Variants in REV3L observed in about 807,000 individuals in gnomAD.
REV3L encodes REV3 like, DNA directed polymerase zeta catalytic subunit.
Under a neutral mutation model 299.4 loss-of-function variants are expected in REV3L, and 69 were observed. The ratio of observed to expected loss-of-function variants is 0.23; its 90% CI spans 0.19 to 0.28. REV3L has a LOEUF of 0.28. Among genes scored for constraint, REV3L ranks in the 10% least tolerant of loss-of-function variants. REV3L has a pLI of 1.00. For synonymous variants in REV3L, 1,238 were observed against 1,271.4 expected, an observed-to-expected ratio of 0.97 and a Z score of 0.56; for missense variants, 3,128 against 3,693.8, an observed-to-expected ratio of 0.85 and a Z score of 3.97.
chr6:111,375,564 C>T lies in REV3L; in HGVS notation c.2791G>A (p.Asp931Asn). Residue 931 changes from aspartate (D) to asparagine (N), a missense_variant, in exon 13 of 32, where the codon GAC becomes AAC. Physicochemically the swap from Asp to Asn is conservative, Grantham distance 23. Transcript: ENST00000368802. ...TGAGTTACAAAACTTGACTCACTGT[C>T]TTCAGTCTCATAATTTACCTTGCGT... is the stretch of plus-strand genomic sequence containing the variant. ...AKRKVNYETE[D>N]SESSFVTHNS... The T allele has an allele frequency of 1.2e-6, 2 of 1,613,630 alleles. No individual in the cohort carries two copies. Among genetic ancestry groups the T allele is most frequent in the African/African-American group, 2.7e-5 (2 of 74,990 alleles).
At chr6:111,390,299 TCA>T in intron 5 of REV3L, 119 bp from the exon 6 acceptor site, 1 of 629,440 alleles carries the variant, frequency 1.6e-6, no homozygotes, top group Non-Finnish European at 2.8e-6. Flanking sequence ...ATATATTAAT[TCA>T]CAATTATTCT....
chr6:111,329,514 C>G lies in REV3L; in HGVS notation c.8241+18G>C, dbSNP rs1160457000. Reference sequence around the variant, plus strand: ...ATTTTAGTCTCTTTTGAAAAAACTACAGATTTGTATCACTTACCTCAATGC... The same window carrying G: ...ATTTTAGTCTCTTTTGAAAAAACTAGAGATTTGTATCACTTACCTCAATGC... On this transcript the variant is annotated intron_variant, in intron 25 of 31. Coordinates refer to ENST00000368802, the MANE Select transcript of REV3L (RefSeq NM_001372078.1). 5 of 1,611,608 alleles carry G rather than the reference C, an allele frequency of 3.1e-6. No individual in the cohort carries two copies. The South Asian group carries it at 5.5e-5, about 18-fold the overall frequency.
intron 29 of REV3L, 120 bp downstream of exon 29, chr6:111,310,949 A>T: frequency 1.6e-6 from 1 of 637,524 alleles, no homozygotes; most frequent in African/African-American, 1.8e-5. Context: ...GTGAGGCTTC[A>T]TGTGCGCAGG....
In REV3L at chr6:111,483,186, C is replaced by T. The variant is rs1793986556; in HGVS notation, c.-298G>A. 2.0e-6 allele frequency: 1 copy of T among 487,994 alleles called. No homozygotes were observed. Among genetic ancestry groups the T allele is most frequent in the African/African-American group, 2.0e-5 (1 of 48,974 alleles). The allele number at this position is 487,994 out of a possible 1,614,324, so 30.2% of individuals were successfully genotyped here. A position where few individuals can be genotyped will look rare whatever the true frequency, so the allele number is the denominator to read the frequency against. ...ATCACACGGGCTCCTCGGTCCCAGGCTGCAGCTCTTGTTGCCATGATGATG... is the reference window on the plus strand; with the variant it reads ...ATCACACGGGCTCCTCGGTCCCAGGTTGCAGCTCTTGTTGCCATGATGATG... On this transcript the variant is annotated 5_prime_UTR_variant, in exon 1 of 32. Coordinates refer to ENST00000368802, the MANE Select transcript of REV3L (RefSeq NM_001372078.1).
chr6:111,399,940 C>G (rs1357278566), intron 4 of REV3L, among the ~76,000 whole-genome samples: 2 of 152,192 alleles, frequency 1.3e-5, no homozygotes, highest in African/African-American at 2.4e-5. Flanking sequence ...CTCTCCTAAA[C>G]CCTAACAACT....
At chr6:111,383,393 CA>C (rs951528536) in intron 9 of REV3L, among the ~76,000 whole-genome samples, 37 of 152,180 alleles carry the variant, frequency 2.4e-4, no homozygotes, top group Middle Eastern at 6.8e-3. Context: ...TAGACTCCAC[CA>C]AAAAACAAAT....
chr6:111,422,192 G>A (rs562927540), intron 1 of REV3L, among the ~76,000 whole-genome samples: 88 of 152,258 alleles, frequency 5.8e-4, no homozygotes, highest in Middle Eastern at 3.4e-3. Flanking sequence ...AGGGAAATAA[G>A]TAAAATTATG....
In REV3L at chr6:111,395,947, A is replaced by G. The variant is rs117240400; in HGVS notation, c.566-2975T>C. Reference sequence around the variant, plus strand: ...CTTTTCTGTGTTAGCTGAGATGATCATATGGTTTTTGTCCTTCATTCTGTT... The same window carrying G: ...CTTTTCTGTGTTAGCTGAGATGATCGTATGGTTTTTGTCCTTCATTCTGTT... On this transcript the variant is annotated intron_variant, in intron 4 of 31. Coordinates refer to ENST00000368802, the MANE Select transcript of REV3L (RefSeq NM_001372078.1). Among the ~76,000 whole-genome samples the G allele has an allele frequency of 4.9e-4, 74 of 152,324 alleles. No homozygotes were observed. The East Asian group carries it at 0.013, about 27-fold the overall frequency.
intron 16 of REV3L, among the ~76,000 whole-genome samples, chr6:111,363,228 C>T (rs1778875277): frequency 6.6e-6 from 1 of 152,176 alleles, no homozygotes; most frequent in Admixed American, 6.5e-5. Context: ...ACAGAAAATA[C>T]AAGTAAATAT....
Position 111,373,223 on chromosome 6 carries a change from G to A in REV3L, c.5132C>T (p.Thr1711Ile). The A allele has an allele frequency of 6.2e-7, 1 of 1,614,042 alleles. No individual in the cohort carries two copies. The highest frequency in any genetic ancestry group is 8.5e-7 in the Non-Finnish European group (1 of 1,180,004). ...NQKCDEDKHHTTDSASWIRSG... is the reference protein window; with the variant it reads ...NQKCDEDKHHITDSASWIRSG... ...TCTAATCCATGAGGCTGAGTCTGTG[G>A]TATGATGCTTGTCTTCATCACATTT... Residue 1711 changes from threonine to isoleucine, a missense_variant, in exon 13 of 32, where the codon ACC (threonine) becomes ATC (isoleucine). By Grantham distance (89) the Thr-to-Ile change is moderately conservative. Around this residue, in one of 9 missense-constraint regions of REV3L, gnomAD observed 2,409 missense variants for 2,611.8 expected, o/e 0.92. Transcript: ENST00000368802.
chr6:111,379,560 T>C (rs1780625919), intron 11 of REV3L, among the ~76,000 whole-genome samples: 1 of 152,222 alleles, frequency 6.6e-6, no homozygotes, highest in African/African-American at 2.4e-5. Context: ...TTTATTTGTT[T>C]TTAACCTTAG....
rs1425064458 is a variant in REV3L at position 111,374,914 on chromosome 6, T to C, written c.3441A>G (p.Ala1147=). ...ATACATTAGGACCCTTAAAAAGCAT[T>C]GCCTCTTTTTCTGCAGCAGCCATGA... ...EEIMAAAEKE[A]MLFKGPNVYK... is the part of the protein sequence containing the mutation. The change falls in exon 13 of 32, where the codon GCA becomes GCG. Residue 1147 remains alanine (A), a synonymous_variant. Coordinates refer to ENST00000368802, the MANE Select transcript of REV3L (RefSeq NM_001372078.1). 2 of 1,613,162 alleles carry C rather than the reference T, an allele frequency of 1.2e-6. No individual in the cohort carries two copies. The highest frequency in any genetic ancestry group is 1.7e-5 in the Admixed American group (1 of 59,830).
At chr6:111,357,368 A>G (rs185181286) in intron 17 of REV3L, among the ~76,000 whole-genome samples, 1 of 152,294 alleles carries the variant, frequency 6.6e-6, no homozygotes. Flanking sequence ...ATTCTCCTGA[A>G]AAGGCTGCAT....
At chr6:111,427,672 G>A (rs1786346080) in intron 1 of REV3L, among the ~76,000 whole-genome samples, 1 of 152,186 alleles carries the variant, frequency 6.6e-6, no homozygotes, top group South Asian at 2.1e-4. Context: ...CCAACTCAGA[G>A]TTGCTACACT....
intron 21 of REV3L, among the ~76,000 whole-genome samples, chr6:111,337,017 T>G (rs118203): frequency 0.63 from 94,897 of 149,742 alleles, 33,604 homozygotes; most frequent in Non-Finnish European, 0.81. Context: ...ACTTAAGATA[T>G]AAATCTATGG....
chr6:111,466,744 A>C (rs1173534797), intron 1 of REV3L, among the ~76,000 whole-genome samples: 1 of 152,228 alleles, frequency 6.6e-6, no homozygotes, highest in Non-Finnish European at 1.5e-5. Flanking sequence ...TGGGAGACTG[A>C]AGCACGAGAA....
intron 18 of REV3L, among the ~76,000 whole-genome samples, chr6:111,352,956 A>G (rs941112410): frequency 6.6e-6 from 1 of 152,258 alleles, no homozygotes; most frequent in South Asian, 2.1e-4. Context: ...AATTATAGTT[A>G]TAAGTTTTGA....
At chr6:111,331,028 T>TA (rs1265734256) in intron 24 of REV3L, 1 of 984,920 alleles carries the variant, frequency 1.0e-6, no homozygotes, top group African/African-American at 1.7e-5. Flanking sequence ...ACCACTCTAC[T>TA]GTCTCATGAT....
chr6:111,303,165 C>CTTTCTTTTTTTTTTTTTTTTTT lies in REV3L; in HGVS notation c.9253-3010_9253-3009insAAAAAAAAAAAAAAAAAAGAAA, dbSNP rs4038141. 2.3e-4 allele frequency among the ~76,000 whole-genome samples: 21 copies of CTTTCTTTTTTTTTTTTTTTTTT among 92,342 alleles called. 1 individual carries two copies. The highest frequency in any genetic ancestry group is 4.0e-4 in the Non-Finnish European group (19 of 47,760). 60.6% of individuals were successfully genotyped at this position (92,342 alleles called of 152,430 possible). A position where few individuals can be genotyped will look rare whatever the true frequency, so the allele number is the denominator to read the frequency against. ...AATGTACTGAGGCTTTCTTTTCTTT[C>CTTTCTTTTTTTTTTTTTTTTTT]TTTTTTTTTTTTTTTTTGAGATGAG... On this transcript the variant is annotated intron_variant, in intron 31 of 31. Coordinates refer to ENST00000368802, the MANE Select transcript of REV3L (RefSeq NM_001372078.1).
Sources: allele counts gnomAD v4.1 joint callset (sites outside exome capture counted in the v4.1 genomes callset), GRCh38; gene constraint gnomAD v4.1.1; regional missense constraint gnomAD v4.1.1; transcripts MANE v1.5; gene names NCBI Gene and HGNC (gene_info 2026-07-23, HGNC 2026-07-21).